The following CCDC88B variants were observed in gnomAD, a reference collection of about 807,000 sequenced individuals.
CCDC88B encodes the protein coiled-coil and HOOK domain protein 88B.
A neutral mutation model predicts 183.7 loss-of-function variants in CCDC88B; 138 were observed. The observed-to-expected ratio is 0.75, with a 90% CI of 0.65 to 0.87. The LOEUF (loss-of-function observed/expected upper bound fraction) is 0.87, where lower values mean the gene tolerates loss of function less well. Ranked by LOEUF, CCDC88B falls within the 40% of genes least tolerant of loss-of-function variation. The pLI, the probability that CCDC88B is intolerant of heterozygous loss-of-function variation, is 0.00. For synonymous variants in CCDC88B, 835 were observed against 867.5 expected (o/e 0.96, Z 0.66); for missense variants, 1,822 against 1,965.6 (o/e 0.93, Z 1.38).
In CCDC88B at chr11:64,340,764, C is replaced by T. The variant is rs748076825; in HGVS notation, c.206+12C>T. The T allele has an allele frequency of 1.3e-5, 21 of 1,595,556 alleles. No individual in the cohort carries two copies. The Admixed American group carries it at 2.1e-4, about 16-fold the overall frequency. ...GTGCTGGGCATCATGTAAGGGGCAT[C>T]GGGCCGGGGCGGTGGCGGGGAAGGA... On this transcript the variant is annotated intron_variant, in intron 2 of 26. Coordinates refer to ENST00000356786, the MANE Select transcript of CCDC88B (RefSeq NM_032251.6).
In CCDC88B at chr11:64,341,428, A is replaced by T; in HGVS notation, c.455A>T (p.His152Leu). The change falls in exon 6 of 27, where the codon CAC becomes CTC. Residue 152 changes from histidine (H) to leucine (L), a missense_variant. Coordinates refer to ENST00000356786, the MANE Select transcript of CCDC88B (RefSeq NM_032251.6). Reference protein sequence around the residue: ...LLLGASVQCEHRELFIRHIQG... With the variant: ...LLLGASVQCELRELFIRHIQG... ...CTTCCTGTCTCCCCTCAGTGTGAGC[A>T]CCGGGAACTCTTCATCCGCCACATC... 3 of 1,613,900 alleles carry T rather than the reference A, an allele frequency of 1.9e-6. No homozygotes were observed. The highest frequency in any genetic ancestry group is 2.5e-6 in the Non-Finnish European group (3 of 1,179,992).
At chr11:64,356,919 C>G (rs893053085) in intron 26 of CCDC88B, 120 bp from the exon 27 acceptor site, 1 of 941,496 alleles carries the variant, frequency 1.1e-6, no homozygotes, top group Non-Finnish European at 1.6e-6. Context: ...CGTGGTGCAG[C>G]TGGAAGCGGG....
In CCDC88B at chr11:64,342,691, G is replaced by C; in HGVS notation, c.1062+11G>C. On this transcript the variant is annotated intron_variant, in intron 10 of 26. Coordinates refer to ENST00000356786, the MANE Select transcript of CCDC88B (RefSeq NM_032251.6). The stretch of plus-strand genomic sequence containing the variant: ...AAGAGTCAGCTGGAGGTGAGGCGGA[G>C]ACGGAGCCGCGGGGCGGGGCGTGCG... 6.8e-7 allele frequency: 1 copy of C among 1,471,268 alleles called. No individual in the cohort carries two copies. Among genetic ancestry groups the C allele is most frequent in the South Asian group, 1.3e-5 (1 of 74,792 alleles). 91.1% of individuals were successfully genotyped at this position (1,471,268 alleles called of 1,614,324 possible). A position where few individuals can be genotyped will look rare whatever the true frequency, so the allele number is the denominator to read the frequency against.
chr11:64,342,687 C>T lies in CCDC88B; in HGVS notation c.1062+7C>T, dbSNP rs1242773425. 5 of 1,472,184 alleles carry T rather than the reference C, an allele frequency of 3.4e-6. No individual in the cohort carries two copies. The highest frequency in any genetic ancestry group is 2.3e-4 in the Middle Eastern group (1 of 4,388). 91.2% of individuals were successfully genotyped at this position (1,472,184 alleles called of 1,614,324 possible). Reference sequence around the variant, plus strand: ...CTACAAGAGTCAGCTGGAGGTGAGGCGGAGACGGAGCCGCGGGGCGGGGCG... The same window carrying T: ...CTACAAGAGTCAGCTGGAGGTGAGGTGGAGACGGAGCCGCGGGGCGGGGCG... On this transcript the variant is annotated splice_region_variant and intron_variant, in intron 10 of 26. Transcript: ENST00000356786.
chr11:64,355,473 G>A (rs757540195), intron 25 of CCDC88B, 73 bp downstream of exon 25: 32 of 1,586,458 alleles, frequency 2.0e-5, no homozygotes, highest in Non-Finnish European at 2.6e-5. Context: ...TGGGGGAGGA[G>A]GCTTCCTTCT....
At chr11:64,349,145 A>G in intron 14 of CCDC88B, 186 bp from the exon 15 acceptor site, 1 of 766,756 alleles carries the variant, frequency 1.3e-6, no homozygotes, top group Non-Finnish European at 2.3e-6. Flanking sequence ...CAGCTCTTTC[A>G]TGCCCAATTT....
In CCDC88B at chr11:64,352,385, C is replaced by A. The variant is rs868704445; in HGVS notation, c.3355C>A (p.Arg1119=). The change falls in exon 19 of 27, where the codon CGG becomes AGG. Residue 1119 remains arginine, a splice_region_variant and synonymous_variant. Transcript: ENST00000356786. ...GCTGGCCCACCGGGAGCTGCAGGGC[C>A]GGTGAGCATCACCAAATGCCCAGCT... ...LELAHRELQG[R]HEQLQAQRAS... 10 of 1,529,838 alleles carry A rather than the reference C, an allele frequency of 6.5e-6. No homozygotes were observed. The highest frequency in any genetic ancestry group is 8.8e-6 in the Non-Finnish European group (10 of 1,138,312). 94.8% of individuals were successfully genotyped at this position (1,529,838 alleles called of 1,614,324 possible).
intron 10 of CCDC88B, 58 bp from the exon 11 acceptor site, chr11:64,343,121 C>T (rs891822259): frequency 1.3e-5 from 19 of 1,465,722 alleles, no homozygotes; most frequent in Non-Finnish European, 1.6e-5. Flanking sequence ...TTGGGACCCT[C>T]AGGCGCTGGA....
chr11:64,345,268 C>A, intron 14 of CCDC88B, 111 bp downstream of exon 14: 1 of 1,268,376 alleles, frequency 7.9e-7, no homozygotes. Context: ...TGAGCTGGGG[C>A]TGGAGATAGA....
chr11:64,344,504 C>A lies in CCDC88B; in HGVS notation c.1963C>A (p.Pro655Thr). 1 of 1,608,570 alleles carries A rather than the reference C, an allele frequency of 6.2e-7. No homozygotes were observed. Among genetic ancestry groups the A allele is most frequent in the Non-Finnish European group, 8.5e-7 (1 of 1,177,588 alleles). ...GPEHKPGPSEPSSVQLEEQEG... is the reference protein window; with the variant it reads ...GPEHKPGPSETSSVQLEEQEG... The stretch of plus-strand genomic sequence containing the variant: ...TGAGCACAAGCCAGGGCCTTCGGAG[C>A]CCAGCTCTGTGCAGCTGGAGGAGCA... The change falls in exon 14 of 27, where the codon CCC becomes ACC. Residue 655 changes from proline to threonine, a missense_variant. Coordinates refer to ENST00000356786, the MANE Select transcript of CCDC88B (RefSeq NM_032251.6). This position sits in a 1 kb window ranked among gnomAD's most constrained non-coding sequence, Gnocchi z 4.5.
chr11:64,354,292 C>T, intron 24 of CCDC88B, 122 bp downstream of exon 24: 1 of 788,858 alleles, frequency 1.3e-6, no homozygotes, highest in Non-Finnish European at 1.7e-6. Flanking sequence ...TGAGGCCTGC[C>T]CCCCCTGCCC....
At position 64,351,272 on chromosome 11, in the gene CCDC88B, A is replaced by T; in HGVS notation, c.2958+17A>T. 1 of 1,504,720 alleles carries T rather than the reference A, an allele frequency of 6.6e-7. No homozygotes were observed. The highest frequency in any genetic ancestry group is 1.3e-5 in the South Asian group (1 of 76,862). The allele number at this position is 1,504,720 out of a possible 1,614,324, so 93.2% of individuals were successfully genotyped here. A position where few individuals can be genotyped will look rare whatever the true frequency, so the allele number is the denominator to read the frequency against. On this transcript the variant is annotated intron_variant, in intron 17 of 26. Coordinates refer to ENST00000356786, the MANE Select transcript of CCDC88B (RefSeq NM_032251.6). ...GAGCGCAGTGTGAGTGTGGGCCCAC[A>T]GTGGGCCCTGGGGAGGTGCCCCGTG... is the stretch of plus-strand genomic sequence containing the variant.
In CCDC88B at chr11:64,341,636, C is replaced by T. The variant is rs1159173523; in HGVS notation, c.569C>T (p.Ser190Phe). ...QPGAGVVLAL[S>F]GPDPGELAPA... ...GGGGCCGGCGTGGTGCTGGCACTGT[C>T]TGGGCCAGATCCTGGGGAGCTGGCA... The change falls in exon 7 of 27, where the codon TCT becomes TTT. Residue 190 changes from serine (S) to phenylalanine (F), a missense_variant. Coordinates refer to ENST00000356786, the MANE Select transcript of CCDC88B (RefSeq NM_032251.6). 6.2e-7 allele frequency: 1 copy of T among 1,606,414 alleles called. No homozygotes were observed. The highest frequency in any genetic ancestry group is 2.2e-5 in the East Asian group (1 of 44,788).
chr11:64,344,553 A>G lies in CCDC88B; in HGVS notation c.2012A>G (p.Asp671Gly), dbSNP rs2036023586. Reference protein sequence around the residue: ...EEQEGPNQGLDLATGQAEARE... With the variant: ...EEQEGPNQGLGLATGQAEARE... ...CAGGAGGGCCCAAACCAGGGCCTGGACCTGGCCACGGGACAAGCAGAGGCC... is the reference window on the plus strand; with the variant it reads ...CAGGAGGGCCCAAACCAGGGCCTGGGCCTGGCCACGGGACAAGCAGAGGCC... Residue 671 changes from aspartate (D) to glycine (G), a missense_variant, in exon 14 of 27, where the codon GAC becomes GGC. Coordinates refer to ENST00000356786, the MANE Select transcript of CCDC88B (RefSeq NM_032251.6). The surrounding 1 kb of genome is among the most constrained non-coding windows in gnomAD (Gnocchi z 4.5). 1.2e-6 allele frequency: 2 copies of G among 1,604,930 alleles called. No homozygotes were observed. Among genetic ancestry groups the G allele is most frequent in the Admixed American group, 1.7e-5 (1 of 57,998 alleles).
At chr11:64,355,151 C>T (rs1477398465) in intron 24 of CCDC88B, 43 bp from the exon 25 acceptor site, 1 of 1,336,876 alleles carries the variant, frequency 7.5e-7, no homozygotes, top group Non-Finnish European at 9.6e-7. Context: ...GCCTCAGCTC[C>T]CGTCCCCTCC....
At chr11:64,354,704 G>A (rs1378078145) in intron 24 of CCDC88B, among the ~76,000 whole-genome samples, 65 of 4,016 alleles carry the variant, frequency 0.016, no homozygotes, top group Non-Finnish European at 0.025. Flanking sequence ...CCCCCCCTCT[G>A]ACCCCTCCCC....
intron 24 of CCDC88B, 68 bp from the exon 25 acceptor site, chr11:64,355,126 C>A: frequency 1.7e-6 from 2 of 1,163,044 alleles, no homozygotes; most frequent in East Asian, 3.2e-5. Context: ...ATTCTCTGAC[C>A]TCCTCCCTAC....
chr11:64,356,766 T>G, intron 26 of CCDC88B: 2 of 470,406 alleles, frequency 4.3e-6, no homozygotes, highest in South Asian at 4.2e-5. Flanking sequence ...GGCAGGCTGG[T>G]TGGAGTTTTA....
At chr11:64,348,998 C>G (rs1222642666) in intron 14 of CCDC88B, 1 of 717,456 alleles carries the variant, frequency 1.4e-6, no homozygotes, top group Non-Finnish European at 2.6e-6. Flanking sequence ...GGGTGGCAGC[C>G]CACCGGGCGC....
Sources: allele counts gnomAD v4.1 joint callset (sites outside exome capture counted in the v4.1 genomes callset), GRCh38; gene constraint gnomAD v4.1.1; non-coding constraint Gnocchi (gnomAD v3.1); transcripts MANE v1.5; gene names NCBI Gene and HGNC (gene_info 2026-07-23, HGNC 2026-07-21).